ARFGEF2: variants seen among roughly 807,000 people sequenced by gnomAD.
The protein encoded by ARFGEF2 is ARF guanine nucleotide exchange factor 2.
A neutral mutation model predicts 219.9 loss-of-function variants in ARFGEF2; 74 were observed. That is an observed-to-expected ratio of 0.34 (90% CI 0.28 to 0.41). ARFGEF2 has a LOEUF of 0.41. Ranked by LOEUF, ARFGEF2 falls within the 10% of genes least tolerant of loss-of-function variation. The pLI is 1.00. For synonymous variants in ARFGEF2, 733 were observed against 799.2 expected (o/e 0.92, Z 1.40); for missense variants, 1,743 against 2,218.3 (o/e 0.79, Z 4.30).
chr20:48,994,328 A>G lies in ARFGEF2; in HGVS notation c.2974-123A>G, dbSNP rs2091373847. On this transcript the variant is annotated intron_variant, in intron 21 of 38. Transcript: ENST00000371917. ...TTTATTGAGAGCTTACTAAATTTGC[A>G]TAAACATCTATATGGCATAACTCCA... is the stretch of plus-strand genomic sequence containing the variant. The G allele has an allele frequency of 6.7e-6, 8 of 1,185,426 alleles. No individual in the cohort carries two copies. The African/African-American group carries it at 9.0e-5, about 13-fold the overall frequency. 73.4% of individuals were successfully genotyped at this position (1,185,426 alleles called of 1,614,324 possible).
chr20:48,931,574 C>A (rs1310716161), intron 1 of ARFGEF2, among the ~76,000 whole-genome samples: 1 of 151,320 alleles, frequency 6.6e-6, no homozygotes, highest in African/African-American at 2.4e-5. Flanking sequence ...TACAGGGTGA[C>A]AAGGGGGTGG....
Position 48,951,357 on chromosome 20 carries a change from C to A in ARFGEF2, c.311C>A (p.Ala104Asp), listed in dbSNP as rs200124620. The A allele has an allele frequency of 4.3e-6, 7 of 1,614,202 alleles. No homozygotes were observed. The highest frequency in any genetic ancestry group is 5.9e-6 in the Non-Finnish European group (7 of 1,180,040). The change falls in exon 4 of 39, where the codon GCC becomes GAC. Residue 104 changes from alanine (A) to aspartate (D), a missense_variant. Transcript: ENST00000371917. The stretch of plus-strand genomic sequence containing the variant: ...GCATACGGGCACATCACTGGCAACG[C>A]CCCTGACAGTGGAGCCCCTGGGAAG... ...LIAYGHITGNAPDSGAPGKRL... is the reference protein window; with the variant it reads ...LIAYGHITGNDPDSGAPGKRL...
chr20:48,944,395 G>A (rs1448658277), intron 3 of ARFGEF2, among the ~76,000 whole-genome samples: 2 of 152,172 alleles, frequency 1.3e-5, no homozygotes, highest in African/African-American at 2.4e-5. Flanking sequence ...ACCGTACCGT[G>A]TGTAGTCCCC....
intron 9 of ARFGEF2, 82 bp from the exon 10 acceptor site, chr20:48,971,038 A>T (rs759901888): frequency 2.0e-5 from 23 of 1,146,474 alleles, no homozygotes; most frequent in Non-Finnish European, 2.6e-5. Context: ...CTCATTGGTA[A>T]AGGAGCAAGG....
In ARFGEF2 at chr20:49,032,179, A is replaced by T. The variant is rs758178339; in HGVS notation, c.5181+13A>T. The T allele has an allele frequency of 1.3e-5, 20 of 1,584,150 alleles. No homozygotes were observed. Among genetic ancestry groups the T allele is most frequent in the Admixed American group, 1.7e-5 (1 of 59,992 alleles). ...AAATGATGAAAAGGTATGAACAAGT[A>T]AACTCTGACCAATTTTCACTAGGAC... On this transcript the variant is annotated intron_variant, in intron 38 of 38. Transcript: ENST00000371917.
intron 3 of ARFGEF2, among the ~76,000 whole-genome samples, chr20:48,942,220 A>G (rs958702949): frequency 7.9e-5 from 12 of 152,146 alleles, no homozygotes; most frequent in Non-Finnish European, 1.5e-4. Context: ...TTATTTGTTC[A>G]TGTCTTGTGT....
chr20:48,956,723 G>A (rs929888904), intron 6 of ARFGEF2, among the ~76,000 whole-genome samples: 13 of 152,086 alleles, frequency 8.5e-5, no homozygotes, highest in Admixed American at 7.2e-4. Context: ...GGGACCACAG[G>A]CTCACACCAC....
At chr20:48,994,336 CTA>C in intron 21 of ARFGEF2, 113 bp from the exon 22 acceptor site, 1 of 1,258,326 alleles carries the variant, frequency 7.9e-7, no homozygotes, top group Non-Finnish European at 1.1e-6. Flanking sequence ...GCATAAACAT[CTA>C]TATGGCATAA....
Position 48,956,823 on chromosome 20 carries a change from AC to A in ARFGEF2, c.838+3036del, listed in dbSNP as rs553016481. 2.0e-3 allele frequency among the ~76,000 whole-genome samples: 309 copies of A among 152,122 alleles called. 3 individuals are homozygous for A. The highest frequency in any genetic ancestry group is 6.3e-4 in the Non-Finnish European group (43 of 67,984). ...TCGAACTCCTGACCTCAGGTGATCC[AC>A]CCGTCTCGGCCTCCCAAAGTAATGG... is the stretch of plus-strand genomic sequence containing the variant. On this transcript the variant is annotated intron_variant, in intron 6 of 38. Coordinates refer to ENST00000371917, the MANE Select transcript of ARFGEF2 (RefSeq NM_006420.3).
intron 15 of ARFGEF2, 73 bp downstream of exon 15, chr20:48,984,913 C>T (rs578110521): frequency 3.1e-4 from 496 of 1,609,436 alleles, no homozygotes; most frequent in Non-Finnish European, 4.0e-4. Flanking sequence ...GTTTTAACCT[C>T]GAGATTGTCT....
chr20:48,977,210 A>G (rs996982715), intron 14 of ARFGEF2, among the ~76,000 whole-genome samples: 2 of 147,090 alleles, frequency 1.4e-5, no homozygotes, highest in Non-Finnish European at 3.0e-5. Context: ...GTACCCACCT[A>G]TGAGTGAAAA....
At chr20:48,922,158 G>A in intron 1 of ARFGEF2, 148 bp downstream of exon 1, 4 of 1,322,100 alleles carry the variant, frequency 3.0e-6, no homozygotes, top group Non-Finnish European at 4.0e-6. Flanking sequence ...TTATACCCCC[G>A]GAGGAAGTGT....
In ARFGEF2 at chr20:48,965,979, G is replaced by C. The variant is rs756966050; in HGVS notation, c.1015G>C (p.Gly339Arg). ...AGTTGATGAAAACTCACAGACCAACGGGATAGCCGATGACAGGCAGTCCTT... is the reference window on the plus strand; with the variant it reads ...AGTTGATGAAAACTCACAGACCAACCGGATAGCCGATGACAGGCAGTCCTT... ...PGVDENSQTN[G>R]IADDRQSLSS... The change falls in exon 8 of 39, where the codon GGG becomes CGG. Residue 339 changes from glycine (G) to arginine (R), a missense_variant. Transcript: ENST00000371917. 14 of 1,614,012 alleles carry C rather than the reference G, an allele frequency of 8.7e-6. No homozygotes were observed. The highest frequency in any genetic ancestry group is 1.7e-5 in the Admixed American group (1 of 59,990).
Position 49,036,421 on chromosome 20 carries a change from T to G in ARFGEF2, c.*3222T>G, listed in dbSNP as rs1338624263. 1 of 394,812 alleles carries G rather than the reference T, an allele frequency of 2.5e-6. No homozygotes were observed. Among genetic ancestry groups the G allele is most frequent in the South Asian group, 1.4e-4 (1 of 7,008 alleles). 24.5% of individuals were successfully genotyped at this position (394,812 alleles called of 1,614,324 possible). On this transcript the variant is annotated 3_prime_UTR_variant, in exon 39 of 39. Coordinates refer to ENST00000371917, the MANE Select transcript of ARFGEF2 (RefSeq NM_006420.3). ...TGCATATTTGCATCAAATATTTATG[T>G]GTAAAATGTATGTTTTACCTCCTTA...
intron 10 of ARFGEF2, among the ~76,000 whole-genome samples, chr20:48,972,056 A>G (rs1057375345): frequency 6.6e-6 from 1 of 152,228 alleles, no homozygotes; most frequent in Admixed American, 6.5e-5. Context: ...CCTATTTTAC[A>G]TGAAAATCCA....
chr20:48,989,814 G>A, intron 20 of ARFGEF2, 130 bp downstream of exon 20: 1 of 1,373,272 alleles, frequency 7.3e-7, no homozygotes. Context: ...TATGCCTACT[G>A]ACAAGAAATC....
At chr20:48,976,341 C>T (rs1392590110) in intron 14 of ARFGEF2, 142 bp downstream of exon 14, 3 of 1,018,980 alleles carry the variant, frequency 2.9e-6, no homozygotes, top group Admixed American at 2.0e-5. Flanking sequence ...TTGAGCCAGG[C>T]AATCAGTAAA....
chr20:48,985,738 G>A, intron 16 of ARFGEF2, 125 bp downstream of exon 16: 2 of 1,041,342 alleles, frequency 1.9e-6, no homozygotes, highest in Middle Eastern at 2.9e-4. Context: ...TGTTTACCGT[G>A]TGCCAGGCAC....
At chr20:49,019,863 GT>G (rs2091555136) in intron 34 of ARFGEF2, among the ~76,000 whole-genome samples, 1 of 152,096 alleles carries the variant, frequency 6.6e-6, no homozygotes, top group South Asian at 2.1e-4. Context: ...GAGCTCTTAT[GT>G]ACTAGAAATC....
Sources: gnomAD v4.1 joint callset for allele counts (sites outside exome capture counted in the v4.1 genomes callset) on GRCh38, gnomAD v4.1.1 for gene constraint, MANE v1.5 for transcripts, NCBI Gene and HGNC (gene_info 2026-07-23, HGNC 2026-07-21) for gene names.